Variants in VPS13C observed in about 807,000 individuals in gnomAD.
VPS13C encodes the protein vacuolar protein sorting 13 homolog C.
In VPS13C, 358 loss-of-function variants were observed where a neutral mutation model predicts 456.8. The ratio of observed to expected loss-of-function variants is 0.78; its 90% CI spans 0.72 to 0.86. The LOEUF (loss-of-function observed/expected upper bound fraction) is 0.86. VPS13C is among the 40% of genes least tolerant of loss of function. The pLI is 0.00. For missense variants in VPS13C, 4,818 were observed against 4,385.4 expected (o/e 1.10, Z -2.79); for synonymous variants, 1,578 against 1,486.7 (o/e 1.06, Z -1.41).
At chr15:61,961,136 C>A (rs184455116) in intron 35 of VPS13C, among the ~76,000 whole-genome samples, 1 of 151,690 alleles carries the variant, frequency 6.6e-6, no homozygotes, top group African/African-American at 2.4e-5. Flanking sequence ...CACCTGTAAT[C>A]CCAGCACTTT....
intron 53 of VPS13C, among the ~76,000 whole-genome samples, chr15:61,923,699 T>C: frequency 6.7e-6 from 1 of 150,174 alleles, no homozygotes; most frequent in Non-Finnish European, 1.5e-5. Flanking sequence ...TGTAAAGGGA[T>C]ATAATTATAT....
intron 1 of VPS13C, among the ~76,000 whole-genome samples, chr15:62,050,550 C>A (rs1215289075): frequency 6.6e-6 from 1 of 152,214 alleles, no homozygotes; most frequent in East Asian, 1.9e-4. Context: ...GTAATCCCAA[C>A]ACTTTGGGAG....
At chr15:61,980,020 C>T (rs1051758149) in intron 22 of VPS13C, among the ~76,000 whole-genome samples, 7 of 151,418 alleles carry the variant, frequency 4.6e-5, no homozygotes, top group African/African-American at 1.5e-4. Flanking sequence ...CCCGTCTCTA[C>T]TAAAAATACA....
At chr15:62,011,779 G>A (rs138132991) in intron 12 of VPS13C, among the ~76,000 whole-genome samples, 1,797 of 151,932 alleles carry the variant, frequency 0.012, 35 homozygotes, top group African/African-American at 0.041. Flanking sequence ...CAGAGATTTA[G>A]TTACTTTTTG....
At chr15:61,909,498 C>T (rs2043240730) in intron 64 of VPS13C, among the ~76,000 whole-genome samples, 1 of 152,222 alleles carries the variant, frequency 6.6e-6, no homozygotes, top group Non-Finnish European at 1.5e-5. Flanking sequence ...TGAGCCTCTG[C>T]ACCCGGCCTG....
chr15:61,945,278 A>C (rs2044565374), intron 45 of VPS13C, among the ~76,000 whole-genome samples: 1 of 152,236 alleles, frequency 6.6e-6, no homozygotes, highest in Non-Finnish European at 1.5e-5. Context: ...TGACAGTTAC[A>C]TGGAAATAAG....
At position 61,961,768 on chromosome 15, in the gene VPS13C, A is replaced by G. The variant is rs1175160180; in HGVS notation, c.3729T>C (p.Ile1243=). The change falls in exon 35 of 85, where the codon ATT becomes ATC. Residue 1243 remains isoleucine (I), a synonymous_variant. Transcript: ENST00000644861. ...AQRSFRVSIN[I]DLKAPVIVIP... ...TGACTATAACCGGTGCTTTCAAATC[A>G]ATATTGATGGAAACACGAAAACTCC... The G allele has an allele frequency of 1.2e-6, 2 of 1,614,022 alleles. No individual in the cohort carries two copies. Among genetic ancestry groups the G allele is most frequent in the Non-Finnish European group, 1.7e-6 (2 of 1,179,964 alleles).
intron 18 of VPS13C, among the ~76,000 whole-genome samples, chr15:61,988,476 A>G (rs76073418): frequency 0.015 from 2,347 of 152,338 alleles, 71 homozygotes; most frequent in African/African-American, 0.054. Context: ...GCCATGTGCT[A>G]TATTTATAGG....
Position 61,973,549 on chromosome 15 carries a change from A to G in VPS13C, c.2539-17T>C, listed in dbSNP as rs2045618292. The G allele has an allele frequency of 1.3e-6, 2 of 1,598,780 alleles. No homozygotes were observed. Among genetic ancestry groups the G allele is most frequent in the Non-Finnish European group, 8.6e-7 (1 of 1,167,064 alleles). On this transcript the variant is annotated splice_polypyrimidine_tract_variant and intron_variant, in intron 25 of 84. Transcript: ENST00000644861. Reference sequence around the variant, plus strand: ...TGAGGATACCTAGCAAAGAATACAAAAAGTTTTCTTAAAAAGGATGACTTA... The same window carrying G: ...TGAGGATACCTAGCAAAGAATACAAGAAGTTTTCTTAAAAAGGATGACTTA...
At chr15:61,926,667 T>A (rs538132503) in intron 52 of VPS13C, among the ~76,000 whole-genome samples, 34 of 152,340 alleles carry the variant, frequency 2.2e-4, no homozygotes, top group Admixed American at 1.0e-3. Flanking sequence ...GATAATAATA[T>A]GAAAACATAA....
intron 66 of VPS13C, among the ~76,000 whole-genome samples, chr15:61,899,904 C>T (rs2042944877): frequency 6.6e-6 from 1 of 151,984 alleles, no homozygotes; most frequent in Non-Finnish European, 1.5e-5. Flanking sequence ...CATCAAAAAG[C>T]TTATCCACCA....
Position 61,929,636 on chromosome 15 carries a change from A to G in VPS13C, c.6151T>C (p.Cys2051Arg). The G allele has an allele frequency of 1.2e-6, 2 of 1,614,170 alleles. No homozygotes were observed. Among genetic ancestry groups the G allele is most frequent in the East Asian group, 2.2e-5 (1 of 44,862 alleles). ...GTCATCAGAAATTCCACACTGGCAC[A>G]TACATACAGCTTGTCAAGAACAGCA... ...IDAVLDKLYV[C>R]ASVEFLMTVA... The change falls in exon 51 of 85, where the codon TGT becomes CGT. Residue 2051 changes from cysteine (C) to arginine (R), a missense_variant. Cys to Arg is a radical substitution (Grantham distance 180, BLOSUM62 -3). Around this residue, in one of 3 missense-constraint regions of VPS13C, gnomAD observed 4,552 missense variants for 4,130.6 expected, o/e 1.10. Coordinates refer to ENST00000644861, the MANE Select transcript of VPS13C (RefSeq NM_020821.3).
At chr15:61,995,538 T>C (rs1187569330) in intron 16 of VPS13C, among the ~76,000 whole-genome samples, 1 of 152,208 alleles carries the variant, frequency 6.6e-6, no homozygotes, top group Non-Finnish European at 1.5e-5. Context: ...TTAGTGACCA[T>C]CCTGCTGCAG....
At position 62,034,892 on chromosome 15, in the gene VPS13C, T is replaced by C; in HGVS notation, c.283+65A>G. On this transcript the variant is annotated intron_variant, in intron 4 of 84. Coordinates refer to ENST00000644861, the MANE Select transcript of VPS13C (RefSeq NM_020821.3). ...TAATAAATAAATGTATTAAAATACT[T>C]AACTCAGATAACAATTTAATTTCAA... is the stretch of plus-strand genomic sequence containing the variant. 3.7e-6 allele frequency: 4 copies of C among 1,089,042 alleles called. No homozygotes were observed. In the South Asian group the frequency reaches 6.3e-5, roughly 17 times the overall value. 67.5% of individuals were successfully genotyped at this position (1,089,042 alleles called of 1,614,324 possible).
intron 77 of VPS13C, among the ~76,000 whole-genome samples, chr15:61,873,959 T>TAC (rs67985179): frequency 0.39 from 59,111 of 149,704 alleles, 11,776 homozygotes; most frequent in Non-Finnish European, 0.43. Context: ...GAAAATGTGA[T>TAC]ACACACACAC....
intron 27 of VPS13C, among the ~76,000 whole-genome samples, chr15:61,971,960 T>G (rs2045569110): frequency 6.6e-6 from 1 of 152,238 alleles, no homozygotes; most frequent in African/African-American, 2.4e-5. Context: ...CTTTTTGTTT[T>G]ATTATCAAAG....
At chr15:62,047,604 T>A (rs1011792185) in intron 1 of VPS13C, among the ~76,000 whole-genome samples, 1 of 152,150 alleles carries the variant, frequency 6.6e-6, no homozygotes, top group Non-Finnish European at 1.5e-5. Context: ...CTAGTTCTAA[T>A]ACAAAGAATA....
chr15:62,049,643 T>G (rs749251406), intron 1 of VPS13C, among the ~76,000 whole-genome samples: 172 of 152,336 alleles, frequency 1.1e-3, no homozygotes, highest in Non-Finnish European at 1.4e-3. Context: ...GTGAAGAAAG[T>G]CATTGGTAGC....
intron 15 of VPS13C, among the ~76,000 whole-genome samples, chr15:62,003,861 G>A (rs1354131119): frequency 6.6e-6 from 1 of 151,656 alleles, no homozygotes; most frequent in Non-Finnish European, 1.5e-5. Context: ...TGCATCCCAG[G>A]GATGAAGCCC....
Sources: gnomAD v4.1 joint callset for allele counts (sites outside exome capture counted in the v4.1 genomes callset) on GRCh38, gnomAD v4.1.1 for gene constraint, gnomAD v4.1.1 regional missense constraint, MANE v1.5 for transcripts, NCBI Gene and HGNC (gene_info 2026-07-23, HGNC 2026-07-21) for gene names.